KHDRBS2: variants seen among roughly 807,000 people sequenced by gnomAD.
The protein encoded by KHDRBS2 is KH RNA binding domain containing, signal transduction associated 2, also known as KH domain-containing, RNA-binding, signal transduction-associated protein 2.
Under a neutral mutation model 44.3 loss-of-function variants are expected in KHDRBS2, and 26 were observed. The observed-to-expected ratio is 0.59, with a 90% CI of 0.43 to 0.81. The LOEUF (loss-of-function observed/expected upper bound fraction) is 0.81, where lower values mean the gene tolerates loss of function less well. Ranked by LOEUF, KHDRBS2 falls within the 40% of genes least tolerant of loss-of-function variation. KHDRBS2 has a pLI of 0.00. For missense variants in KHDRBS2, 476 were observed against 433.1 expected, an observed-to-expected ratio of 1.10 and a Z score of -0.88; for synonymous variants, 194 against 151.1, an observed-to-expected ratio of 1.28 and a Z score of -2.08.
chr6:62,275,801 C>G (rs1840843169), intron 1 of KHDRBS2, among the ~76,000 whole-genome samples: 2 of 152,124 alleles, frequency 1.3e-5, no homozygotes, highest in Non-Finnish European at 2.9e-5. Context: ...TGCCTAACCT[C>G]TGATTTATTG....
chr6:62,017,141 G>A (rs994409666), intron 3 of KHDRBS2, among the ~76,000 whole-genome samples: 9 of 151,960 alleles, frequency 5.9e-5, no homozygotes, highest in Non-Finnish European at 1.0e-4. Context: ...TATATACTAC[G>A]TTCTTTCTTC....
intron 1 of KHDRBS2, among the ~76,000 whole-genome samples, chr6:62,230,282 T>A (rs1832690598): frequency 6.6e-6 from 1 of 152,220 alleles, no homozygotes; most frequent in South Asian, 2.1e-4. Context: ...GGAAATTAAA[T>A]GACAAATATG....
intron 6 of KHDRBS2, among the ~76,000 whole-genome samples, chr6:61,790,028 G>A: frequency 6.6e-6 from 1 of 151,356 alleles, no homozygotes; most frequent in Non-Finnish European, 1.5e-5. Flanking sequence ...TATTTATGTT[G>A]GTTTGGGTGC....
At chr6:61,773,468 T>C (rs1299282722) in intron 6 of KHDRBS2, among the ~76,000 whole-genome samples, 23 of 152,186 alleles carry the variant, frequency 1.5e-4, no homozygotes, top group Non-Finnish European at 2.6e-4. Context: ...TCATATCCTT[T>C]GCCCACTTTT....
At chr6:61,836,213 C>T (rs985629457) in intron 6 of KHDRBS2, among the ~76,000 whole-genome samples, 16 of 151,988 alleles carry the variant, frequency 1.1e-4, no homozygotes, top group African/African-American at 2.9e-4. Context: ...AACATCATCT[C>T]GTCTTTGACA....
chr6:62,169,707 C>T (rs1267284587), intron 2 of KHDRBS2, among the ~76,000 whole-genome samples: 1 of 152,042 alleles, frequency 6.6e-6, no homozygotes, highest in Non-Finnish European at 1.5e-5. Context: ...TGGGAAAATG[C>T]CCCGGCCCCA....
rs578229867 is a variant in KHDRBS2, at chr6:61,712,386, A to T, written c.894-15133T>A. The stretch of plus-strand genomic sequence containing the variant: ...GCAAGGCTGACATGTGGATGCAAAA[A>T]CAACCTAGATTCATTTATGTGTAGG... On this transcript the variant is annotated intron_variant, in intron 7 of 8. Transcript: ENST00000281156. Among the ~76,000 whole-genome samples, 6 of 151,972 alleles carry T rather than the reference A, an allele frequency of 3.9e-5. No individual in the cohort carries two copies. In the East Asian group the frequency reaches 1.2e-3, roughly 30 times the overall value.
intron 1 of KHDRBS2, among the ~76,000 whole-genome samples, chr6:62,264,800 T>C (rs1328651840): frequency 6.6e-6 from 1 of 151,810 alleles, no homozygotes; most frequent in Admixed American, 6.6e-5. Context: ...GCCTTTTTCC[T>C]ATTGCTTATT....
chr6:61,774,076 A>T (rs1240065732), intron 6 of KHDRBS2, among the ~76,000 whole-genome samples: 1 of 152,064 alleles, frequency 6.6e-6, no homozygotes, highest in Non-Finnish European at 1.5e-5. Context: ...GTCAGGTAGC[A>T]TGATGCCTCC....
At chr6:61,817,702 T>G (rs1348086030) in intron 6 of KHDRBS2, among the ~76,000 whole-genome samples, 1 of 152,094 alleles carries the variant, frequency 6.6e-6, no homozygotes, top group Admixed American at 6.6e-5. Context: ...TGTGGTTTTG[T>G]ATACAATGCC....
intron 4 of KHDRBS2, among the ~76,000 whole-genome samples, chr6:61,952,827 T>A (rs1234348288): frequency 2.6e-5 from 4 of 152,054 alleles, no homozygotes; most frequent in Non-Finnish European, 5.9e-5. Context: ...GTAAAACAGT[T>A]TAGTATTCCT....
Position 61,895,944 on chromosome 6 carries a change from A to C in KHDRBS2, c.612-1111T>G, listed in dbSNP as rs186997896. On this transcript the variant is annotated intron_variant, in intron 5 of 8. Transcript: ENST00000281156. Reference sequence around the variant, plus strand: ...GGTACGAATGCTGGCAAAACCTTTAAAATTTTTAAATAGATTACAGAGCTG... The same window carrying C: ...GGTACGAATGCTGGCAAAACCTTTACAATTTTTAAATAGATTACAGAGCTG... Among the ~76,000 whole-genome samples the C allele has an allele frequency of 5.9e-5, 9 of 152,290 alleles. No homozygotes were observed. The East Asian group carries it at 1.5e-3, about 26-fold the overall frequency.
At chr6:62,234,031 TTC>T (rs1433920917) in intron 1 of KHDRBS2, among the ~76,000 whole-genome samples, 1 of 152,116 alleles carries the variant, frequency 6.6e-6, no homozygotes, top group Non-Finnish European at 1.5e-5. Flanking sequence ...GAAATGGTAT[TTC>T]TGTTTAAAAA....
At chr6:61,872,745 C>T (rs915925126) in intron 6 of KHDRBS2, among the ~76,000 whole-genome samples, 35 of 139,932 alleles carry the variant, frequency 2.5e-4, no homozygotes, top group Non-Finnish European at 5.0e-4. Context: ...AAGATGGTAC[C>T]AAAGAGAAAA....
the KHDRBS2 span, among the ~76,000 whole-genome samples, chr6:61,561,701 T>C: frequency 6.6e-6 from 1 of 152,162 alleles, no homozygotes; most frequent in Non-Finnish European, 1.5e-5. Context: ...TTCGGTCAGC[T>C]TGTGGTGAAT....
At chr6:61,668,291 G>T in the KHDRBS2 span, among the ~76,000 whole-genome samples, 1 of 150,774 alleles carries the variant, frequency 6.6e-6, no homozygotes, top group Non-Finnish European at 1.5e-5. Context: ...AAATCTTAAG[G>T]TGCATAATAT....
At chr6:62,110,595 G>A (rs890098365) in intron 2 of KHDRBS2, among the ~76,000 whole-genome samples, 16 of 152,026 alleles carry the variant, frequency 1.1e-4, no homozygotes, top group Admixed American at 1.1e-3. Flanking sequence ...GACTCCTCCA[G>A]AGTCCTCTCT....
intron 2 of KHDRBS2, among the ~76,000 whole-genome samples, chr6:62,082,016 G>T (rs1797496248): frequency 1.3e-5 from 2 of 151,876 alleles, no homozygotes; most frequent in South Asian, 4.2e-4. Flanking sequence ...AACACAATAG[G>T]GTATTGATCT....
At chr6:62,048,158 A>ACACACC (rs1554347728) in intron 2 of KHDRBS2, among the ~76,000 whole-genome samples, 164 bp from the exon 3 acceptor site, 1 of 150,666 alleles carries the variant, frequency 6.6e-6, no homozygotes, top group Non-Finnish European at 1.5e-5. Flanking sequence ...ACACACACAC[A>ACACACC]AACCCCAAAC....
Sources: gnomAD v4.1 joint callset for allele counts (sites outside exome capture counted in the v4.1 genomes callset) on GRCh38, gnomAD v4.1.1 for gene constraint, MANE v1.5 for transcripts, NCBI Gene and HGNC (gene_info 2026-07-23, HGNC 2026-07-21) for gene names.